ENTREP1: variants seen among roughly 807,000 people sequenced by gnomAD.
ENTREP1 encodes endosomal transmembrane epsin interactor 1.
At chr9:69,384,481 T>C in the ENTREP1 span, among the ~76,000 whole-genome samples, 39 of 152,320 alleles carry the variant, frequency 2.6e-4, no homozygotes, top group African/African-American at 9.1e-4. Context: ...TAATTAAAAT[T>C]AGCTAGACTT....
chr9:69,337,706 A>G, the ENTREP1 span, among the ~76,000 whole-genome samples: 11 of 152,200 alleles, frequency 7.2e-5, no homozygotes, highest in African/African-American at 2.2e-4. Flanking sequence ...GTGGATCAAA[A>G]TAGACAATGC....
the ENTREP1 span, chr9:69,325,110 C>T: frequency 2.0e-6 from 2 of 985,280 alleles, no homozygotes; most frequent in Admixed American, 6.1e-5. Flanking sequence ...CGCCAGGCGG[C>T]AGGTGGGTGC....
the ENTREP1 span, among the ~76,000 whole-genome samples, chr9:69,339,218 G>A: frequency 6.6e-6 from 1 of 151,774 alleles, no homozygotes; most frequent in Admixed American, 6.6e-5. Flanking sequence ...TGGGAGTCTC[G>A]CAACATTACC....
At chr9:69,330,680 T>G in the ENTREP1 span, among the ~76,000 whole-genome samples, 1 of 152,254 alleles carries the variant, frequency 6.6e-6, no homozygotes, top group Admixed American at 6.5e-5. Context: ...TTAAGGGATA[T>G]TTAAACTATA....
chr9:69,330,520 T>C, the ENTREP1 span, among the ~76,000 whole-genome samples: 1 of 152,206 alleles, frequency 6.6e-6, no homozygotes, highest in Non-Finnish European at 1.5e-5. Context: ...TGGTGAACTT[T>C]AGGGTGAACC....
At chr9:69,383,706 C>G in the ENTREP1 span, 1 of 1,614,046 alleles carries the variant, frequency 6.2e-7, no homozygotes, top group African/African-American at 1.3e-5. Context: ...GTTCTGTCCT[C>G]TGGATCCCCC....
chr9:69,383,443 A>G, the ENTREP1 span: 3 of 1,464,770 alleles, frequency 2.0e-6, no homozygotes, highest in Non-Finnish European at 2.7e-6. Context: ...TCATTTGCTT[A>G]AGGAACTCTG....
chr9:69,349,685 T>C, the ENTREP1 span, among the ~76,000 whole-genome samples: 2 of 152,252 alleles, frequency 1.3e-5, no homozygotes, highest in African/African-American at 4.8e-5. Context: ...AAACTCATCA[T>C]AAATTGAAAA....
chr9:69,351,387 C>CA, the ENTREP1 span, among the ~76,000 whole-genome samples: 1 of 138,850 alleles, frequency 7.2e-6, no homozygotes, highest in African/African-American at 2.8e-5. Context: ...TTCTTATTTC[C>CA]TTGATGATGA....
At chr9:69,382,284 T>C in the ENTREP1 span, 1 of 152,258 alleles carries the variant, frequency 6.6e-6, no homozygotes, top group Non-Finnish European at 1.5e-5. Context: ...GCATTTATAG[T>C]TCTTAAACAG....
chr9:69,388,568 A>G, the ENTREP1 span: 1 of 793,126 alleles, frequency 1.3e-6, no homozygotes, highest in East Asian at 2.8e-5. Context: ...TCTTCAGGGA[A>G]ATTGGGTTGA....
At chr9:69,325,126 G>A in the ENTREP1 span, 1 of 1,038,154 alleles carries the variant, frequency 9.6e-7, no homozygotes, top group Non-Finnish European at 1.2e-6. Flanking sequence ...GGTGCGGCCG[G>A]CTGGAGCCAG....
At chr9:69,325,743 C>T in the ENTREP1 span, 1 of 1,225,052 alleles carries the variant, frequency 8.2e-7, no homozygotes, top group Non-Finnish European at 1.0e-6. Flanking sequence ...GCGCGCGCGC[C>T]CCGTTCGCCC....
chr9:69,366,921 A>T, the ENTREP1 span, among the ~76,000 whole-genome samples: 5 of 151,746 alleles, frequency 3.3e-5, no homozygotes, highest in South Asian at 2.1e-4. Flanking sequence ...AATTCAACTT[A>T]ATTTATTTAT....
chr9:69,360,886 G>A, the ENTREP1 span, among the ~76,000 whole-genome samples: 3 of 123,370 alleles, frequency 2.4e-5, no homozygotes, highest in African/African-American at 6.0e-5. Context: ...AAAAAATCTT[G>A]CATGTAAATT....
the ENTREP1 span, among the ~76,000 whole-genome samples, chr9:69,336,029 G>T: frequency 6.6e-6 from 1 of 152,170 alleles, no homozygotes. Flanking sequence ...AAGCTTTGAG[G>T]GCCTAGAAGT....
the ENTREP1 span, among the ~76,000 whole-genome samples, chr9:69,335,994 A>G: frequency 6.6e-6 from 1 of 152,262 alleles, no homozygotes; most frequent in African/African-American, 2.4e-5. Flanking sequence ...TAAAAACAAA[A>G]CAAAATTAAA....
At chr9:69,391,687 C>T in the ENTREP1 span, 3,376 of 1,614,114 alleles carry the variant, frequency 2.1e-3, 63 homozygotes, top group African/African-American at 0.038. Flanking sequence ...TCCAGAGCTG[C>T]GGCGACCTTC....
At chr9:69,371,117 C>T in the ENTREP1 span, 3 of 275,276 alleles carry the variant, frequency 1.1e-5, no homozygotes, top group Non-Finnish European at 2.1e-5. Flanking sequence ...CTGTGTTTCA[C>T]TTATATTCCA....
Sources: gnomAD v4.1 joint callset for allele counts (sites outside exome capture counted in the v4.1 genomes callset) on GRCh38, gnomAD v4.1.1 for gene constraint, MANE v1.5 for transcripts, NCBI Gene and HGNC (gene_info 2026-07-23, HGNC 2026-07-21) for gene names.